Variants in RARB observed in about 807,000 individuals in gnomAD.
RARB encodes retinoic acid receptor beta.
A neutral mutation model predicts 51.9 loss-of-function variants in RARB; 17 were observed. The observed-to-expected ratio is 0.33, with a 90% CI of 0.22 to 0.49. The LOEUF (loss-of-function observed/expected upper bound fraction) is 0.49. Among genes scored for constraint, RARB ranks in the 20% least tolerant of loss-of-function variants. The pLI is 0.99. For missense variants in RARB, 369 were observed against 550.8 expected (o/e 0.67, Z 3.30); for synonymous variants, 215 against 195.4 (o/e 1.10, Z -0.84).
At chr3:25,558,098 C>T (rs1215141405) in intron 3 of RARB, among the ~76,000 whole-genome samples, 1 of 152,180 alleles carries the variant, frequency 6.6e-6, no homozygotes, top group Non-Finnish European at 1.5e-5. Flanking sequence ...TTCAAACAGC[C>T]TTTTTGTGTT....
intron 5 of RARB, among the ~76,000 whole-genome samples, chr3:25,207,828 G>C (rs978537605): frequency 6.6e-6 from 1 of 152,148 alleles, no homozygotes; most frequent in African/African-American, 2.4e-5. Context: ...TTGCTACAAA[G>C]GAACAACTGA....
At chr3:25,413,154 C>G (rs1707611531) in intron 5 of RARB, among the ~76,000 whole-genome samples, 1 of 152,082 alleles carries the variant, frequency 6.6e-6, no homozygotes, top group Non-Finnish European at 1.5e-5. Context: ...TAAAAGGTAA[C>G]CAGTATCCTA....
chr3:24,878,119 G>A (rs1043027773), intron 2 of RARB, among the ~76,000 whole-genome samples: 6 of 152,088 alleles, frequency 3.9e-5, no homozygotes, highest in Non-Finnish European at 7.4e-5. Flanking sequence ...GTTTAGAATT[G>A]TGTTGTCTTA....
At chr3:25,063,263 T>A (rs2125304728) in intron 3 of RARB, among the ~76,000 whole-genome samples, 1 of 152,130 alleles carries the variant, frequency 6.6e-6, no homozygotes, top group South Asian at 2.1e-4. Flanking sequence ...TATTCCCCTC[T>A]CAATTTTGCT....
At chr3:25,148,418 CA>C (rs1465885963) in intron 4 of RARB, among the ~76,000 whole-genome samples, 10 of 152,160 alleles carry the variant, frequency 6.6e-5, no homozygotes, top group African/African-American at 1.9e-4. Context: ...ATCATTGGAT[CA>C]GGGGATTCTA....
At chr3:24,901,556 A>T (rs1435710929) in intron 2 of RARB, among the ~76,000 whole-genome samples, 2 of 152,228 alleles carry the variant, frequency 1.3e-5, no homozygotes, top group African/African-American at 4.8e-5. Flanking sequence ...ATTTTAAAAA[A>T]TAAAAATGTA....
At chr3:25,466,950 A>G (rs1400668302) in intron 2 of RARB, among the ~76,000 whole-genome samples, 2 of 152,250 alleles carry the variant, frequency 1.3e-5, no homozygotes, top group Non-Finnish European at 2.9e-5. Context: ...CAAAGCTCTC[A>G]TGCCAAAAGT....
chr3:25,263,220 C>T (rs555599029), intron 5 of RARB, among the ~76,000 whole-genome samples: 1 of 152,022 alleles, frequency 6.6e-6, no homozygotes, highest in Non-Finnish European at 1.5e-5. Context: ...AATAAAATTA[C>T]ATATTGTATA....
chr3:25,379,258 A>G (rs1483013277), intron 5 of RARB, among the ~76,000 whole-genome samples: 1 of 152,166 alleles, frequency 6.6e-6, no homozygotes, highest in Non-Finnish European at 1.5e-5. Context: ...AACATTTGTT[A>G]TTTTCTAATC....
intron 3 of RARB, among the ~76,000 whole-genome samples, chr3:25,520,525 A>G (rs969763998): frequency 2.0e-5 from 3 of 152,244 alleles, no homozygotes; most frequent in Admixed American, 2.0e-4. Context: ...AAGCACATAT[A>G]GATGAGAATT....
intron 1 of RARB, among the ~76,000 whole-genome samples, chr3:24,849,991 A>G (rs755954640): frequency 3.3e-5 from 5 of 152,230 alleles, no homozygotes; most frequent in Non-Finnish European, 5.9e-5. Context: ...AAGCACAGAC[A>G]TTTCTCGCAG....
At chr3:25,367,502 A>G (rs1416488216) in intron 5 of RARB, among the ~76,000 whole-genome samples, 1 of 152,134 alleles carries the variant, frequency 6.6e-6, no homozygotes, top group African/African-American at 2.4e-5. Context: ...GGATTGTATC[A>G]GTCCCCTATC....
intron 1 of RARB, among the ~76,000 whole-genome samples, chr3:25,430,988 CT>C (rs11360533): frequency 0.36 from 37,749 of 105,078 alleles, 5,033 homozygotes; most frequent in Non-Finnish European, 0.4. Flanking sequence ...AAAACTAAAA[CT>C]TTTTTTTTTT....
At chr3:25,589,406 A>G (rs968866848) in intron 5 of RARB, among the ~76,000 whole-genome samples, 7 of 152,252 alleles carry the variant, frequency 4.6e-5, no homozygotes, top group Non-Finnish European at 7.3e-5. Flanking sequence ...TCTGAAGGTG[A>G]CTAGAAGCCA....
chr3:25,081,623 T>TATA (rs1559459573), intron 3 of RARB, among the ~76,000 whole-genome samples: 7 of 23,408 alleles, frequency 3.0e-4, no homozygotes, highest in Admixed American at 5.0e-4. Context: ...ATATATATAT[T>TATA]TTTTTTTTTT....
intron 2 of RARB, among the ~76,000 whole-genome samples, chr3:25,034,828 T>A (rs1421184856): frequency 6.6e-6 from 1 of 152,196 alleles, no homozygotes; most frequent in Non-Finnish European, 1.5e-5. Flanking sequence ...ACTTCCAGTG[T>A]CTCTTGGAAA....
chr3:25,510,617 C>T (rs1298283507), intron 3 of RARB, among the ~76,000 whole-genome samples: 1 of 151,022 alleles, frequency 6.6e-6, no homozygotes, highest in Non-Finnish European at 1.5e-5. Context: ...CACAGCAAGA[C>T]CCTGTCTCAA....
At chr3:25,131,517 T>C (rs2125333246) in intron 3 of RARB, among the ~76,000 whole-genome samples, 1 of 152,136 alleles carries the variant, frequency 6.6e-6, no homozygotes, top group South Asian at 2.1e-4. Flanking sequence ...GCATGTCTAA[T>C]TAGCTTCAAC....
At chr3:25,024,468 A>G (rs1225163639) in intron 2 of RARB, among the ~76,000 whole-genome samples, 1 of 152,220 alleles carries the variant, frequency 6.6e-6, no homozygotes, top group Non-Finnish European at 1.5e-5. Context: ...TATAGAGACT[A>G]TCATGAACAT....
Sources: allele counts gnomAD v4.1 joint callset (sites outside exome capture counted in the v4.1 genomes callset), GRCh38; gene constraint gnomAD v4.1.1; transcripts MANE v1.5; gene names NCBI Gene and HGNC (gene_info 2026-07-23, HGNC 2026-07-21).